Variants in DENND4C observed in about 807,000 individuals in gnomAD.
DENND4C encodes the protein DENN domain-containing protein 4C.
DENND4C carries 108 observed loss-of-function variants against 203.0 expected under a neutral mutation model. The observed-to-expected ratio is 0.53, with a 90% CI of 0.46 to 0.62. The LOEUF is 0.62. Among genes scored for constraint, DENND4C ranks in the 20% least tolerant of loss-of-function variants. The pLI, the probability that DENND4C is intolerant of heterozygous loss-of-function variation, is 0.00. For synonymous variants in DENND4C, 871 were observed against 792.4 expected, an observed-to-expected ratio of 1.10 and a Z score of -1.67; for missense variants, 2,481 against 2,301.2, an observed-to-expected ratio of 1.08 and a Z score of -1.60.
rs538269020 is a variant in DENND4C, at chr9:19,346,701, A to G, written c.3932A>G (p.Glu1311Gly). 54 of 1,614,196 alleles carry G rather than the reference A, an allele frequency of 3.3e-5. 1 individual carries two copies. The South Asian group carries it at 5.8e-4, about 17-fold the overall frequency. ...SMELHREENR[E>G]SGMTTAFIHA... ...GAATTACACAGAGAGGAAAACAGAG[A>G]GTCTGGCATGACTACTGCATTTATT... The change falls in exon 23 of 33, where the codon GAG (glutamate) becomes GGG (glycine). Residue 1311 changes from glutamate to glycine, a missense_variant. Glu to Gly is a moderately conservative substitution (Grantham distance 98, BLOSUM62 -2). Around this residue, in one of 3 missense-constraint regions of DENND4C, gnomAD observed 2,289 missense variants for 2,113.3 expected, o/e 1.08. Transcript: ENST00000434457.
At chr9:19,238,885 T>G (rs1268966868) in intron 1 of DENND4C, among the ~76,000 whole-genome samples, 5 of 151,084 alleles carry the variant, frequency 3.3e-5, no homozygotes, top group Non-Finnish European at 7.4e-5. Context: ...ACTCTTGACC[T>G]CAGGTGATCC....
Position 19,324,155 on chromosome 9 carries a change from TA to T in DENND4C, c.1808-196del, listed in dbSNP as rs201596120. 4.3e-3 allele frequency among the ~76,000 whole-genome samples: 635 copies of T among 147,576 alleles called. 7 individuals are homozygous for T. Among genetic ancestry groups the T allele is most frequent in the East Asian group, 0.033 (167 of 5,108 alleles). On this transcript the variant is annotated intron_variant, in intron 12 of 32. Transcript: ENST00000434457. ...TGCACATGCAAATATTTCAAAATCT[TA>T]AAAAAAAAAATCCGAAATCTGAAAC...
At chr9:19,345,093 C>G (rs7029719) in intron 22 of DENND4C, among the ~76,000 whole-genome samples, 3,300 of 152,224 alleles carry the variant, frequency 0.022, 126 homozygotes, top group African/African-American at 0.073. Flanking sequence ...TGGATTTTGG[C>G]GGACACAAAC....
At chr9:19,308,672 A>C (rs184782484) in intron 10 of DENND4C, among the ~76,000 whole-genome samples, 1 of 152,108 alleles carries the variant, frequency 6.6e-6, no homozygotes. Flanking sequence ...TAATTTATCA[A>C]ATTTATTAAT....
At chr9:19,277,137 T>C (rs1833041049) in intron 2 of DENND4C, among the ~76,000 whole-genome samples, 1 of 152,118 alleles carries the variant, frequency 6.6e-6, no homozygotes, top group Non-Finnish European at 1.5e-5. Context: ...TATTGGGGTG[T>C]TTTGTTTATT....
chr9:19,278,118 TTTG>T (rs569719462), intron 2 of DENND4C, among the ~76,000 whole-genome samples: 362 of 151,706 alleles, frequency 2.4e-3, no homozygotes, highest in African/African-American at 8.6e-3. Flanking sequence ...TTGTTCTCTT[TTTG>T]TTGTTGTGGT....
chr9:19,276,767 A>G, intron 2 of DENND4C: 1 of 208,834 alleles, frequency 4.8e-6, no homozygotes, highest in Middle Eastern at 1.6e-3. Context: ...TGTACTTATC[A>G]AATAAGATTA....
chr9:19,361,830 T>G lies in DENND4C; in HGVS notation c.5407-16T>G. On this transcript the variant is annotated splice_polypyrimidine_tract_variant and intron_variant, in intron 29 of 32. Coordinates refer to ENST00000434457, the MANE Select transcript of DENND4C (RefSeq NM_001330640.2). ...TTATTCTCGGGATACTAATACTTTC[T>G]TTTGATTTCTTTTAGCTTCCTCTGT... 6.8e-7 allele frequency: 1 copy of G among 1,468,316 alleles called. No homozygotes were observed. Among genetic ancestry groups the G allele is most frequent in the Middle Eastern group, 1.7e-4 (1 of 5,798 alleles). The allele number at this position is 1,468,316 out of a possible 1,614,324, so 91.0% of individuals were successfully genotyped here.
chr9:19,359,725 C>G (rs1826074177), intron 28 of DENND4C, among the ~76,000 whole-genome samples: 1 of 149,010 alleles, frequency 6.7e-6, no homozygotes, highest in Non-Finnish European at 1.5e-5. Context: ...GCATAACTCA[C>G]AAAGTCTAGG....
At chr9:19,357,871 A>G (rs1034612626) in intron 27 of DENND4C, 94 bp from the exon 28 acceptor site, 1 of 978,462 alleles carries the variant, frequency 1.0e-6, no homozygotes, top group Non-Finnish European at 1.5e-6. Flanking sequence ...TATATTTAGT[A>G]GACTCAAGGT....
chr9:19,283,550 A>C (rs937444250), intron 2 of DENND4C, among the ~76,000 whole-genome samples: 1 of 151,488 alleles, frequency 6.6e-6, no homozygotes, highest in Non-Finnish European at 1.5e-5. Flanking sequence ...ATGATTGTAT[A>C]GTATAATTTA....
chr9:19,266,901 C>G (rs916207102), intron 1 of DENND4C, among the ~76,000 whole-genome samples: 4 of 152,156 alleles, frequency 2.6e-5, no homozygotes, highest in Non-Finnish European at 5.9e-5. Flanking sequence ...CAGTACCATT[C>G]AGGACATAGG....
At chr9:19,318,422 T>C (rs1294222904) in intron 12 of DENND4C, among the ~76,000 whole-genome samples, 3 of 152,194 alleles carry the variant, frequency 2.0e-5, no homozygotes, top group African/African-American at 2.4e-5. Flanking sequence ...TGAGAAAATA[T>C]ATGTGAAGCA....
At chr9:19,280,210 T>C (rs1588830042) in intron 2 of DENND4C, among the ~76,000 whole-genome samples, 1 of 151,982 alleles carries the variant, frequency 6.6e-6, no homozygotes, top group East Asian at 1.9e-4. Context: ...AGTGCAGTGG[T>C]GCGATCTCGG....
intron 1 of DENND4C, among the ~76,000 whole-genome samples, chr9:19,268,670 C>T (rs943881450): frequency 2.6e-5 from 4 of 152,078 alleles, no homozygotes; most frequent in African/African-American, 9.7e-5. Context: ...CTTTATTTCT[C>T]CTTCATGTTT....
chr9:19,342,591 T>G, intron 21 of DENND4C, 42 bp from the exon 22 acceptor site: 1 of 1,547,622 alleles, frequency 6.5e-7, no homozygotes, highest in Non-Finnish European at 8.7e-7. Flanking sequence ...TGTTTAATAT[T>G]GGCAAAAGTA....
chr9:19,272,134 AC>A (rs1295389930), intron 1 of DENND4C, among the ~76,000 whole-genome samples: 1 of 151,610 alleles, frequency 6.6e-6, no homozygotes, highest in Non-Finnish European at 1.5e-5. Flanking sequence ...TAAAAGAGAG[AC>A]TGGCCCAGGC....
At chr9:19,278,775 T>A (rs1406436555) in intron 2 of DENND4C, among the ~76,000 whole-genome samples, 4 of 152,192 alleles carry the variant, frequency 2.6e-5, no homozygotes, top group Non-Finnish European at 5.9e-5. Flanking sequence ...TGGTGATCTT[T>A]CAGCTTTATA....
intron 9 of DENND4C, among the ~76,000 whole-genome samples, chr9:19,304,380 G>C (rs1839224487): frequency 6.6e-6 from 1 of 151,396 alleles, no homozygotes; most frequent in Non-Finnish European, 1.5e-5. Flanking sequence ...AACATGGTTT[G>C]TACATCTTGG....
Sources: gnomAD v4.1 joint callset for allele counts (sites outside exome capture counted in the v4.1 genomes callset) on GRCh38, gnomAD v4.1.1 for gene constraint, gnomAD v4.1.1 regional missense constraint, MANE v1.5 for transcripts, NCBI Gene and HGNC (gene_info 2026-07-23, HGNC 2026-07-21) for gene names.